Variants in FNDC1 observed in about 807,000 individuals in gnomAD.
FNDC1 encodes fibronectin type III domain containing 1.
A neutral mutation model predicts 168.0 loss-of-function variants in FNDC1; 96 were observed. That is an observed-to-expected ratio of 0.57 (90% confidence interval 0.48 to 0.68). The LOEUF (loss-of-function observed/expected upper bound fraction) is 0.68, where lower values mean the gene tolerates loss of function less well. FNDC1 is among the 30% of genes least tolerant of loss of function. FNDC1 has a pLI of 0.00. For missense variants in FNDC1, 2,587 were observed against 2,482.1 expected (o/e 1.04, Z -0.90); for synonymous variants, 1,099 against 1,025.9 (o/e 1.07, Z -1.36).
intron 22 of FNDC1, among the ~76,000 whole-genome samples, chr6:159,269,571 T>TCCATCCATCC (rs1562316200): frequency 2.3e-5 from 2 of 87,230 alleles, no homozygotes; most frequent in African/African-American, 3.8e-5. Flanking sequence ...TCCATCCATC[T>TCCATCCATCC]ATCCTATCTG....
Position 159,197,585 on chromosome 6 carries a change from G to C in FNDC1, c.264G>C (p.Lys88Asn), listed in dbSNP as rs1205457608. ...GKSLKSLKYI[K>N]VNAETYSFLI... ...CACTGAAAAGTCTTAAATACATCAAGGTGAATGCGGAGACATACTCCTTCC... is the reference window on the plus strand; with the variant it reads ...CACTGAAAAGTCTTAAATACATCAACGTGAATGCGGAGACATACTCCTTCC... The change falls in exon 2 of 23, where the codon AAG becomes AAC. Residue 88 changes from lysine (K) to asparagine (N), a missense_variant. Coordinates refer to ENST00000297267, the MANE Select transcript of FNDC1 (RefSeq NM_032532.3). 2 of 1,613,462 alleles carry C rather than the reference G, an allele frequency of 1.2e-6. No individual in the cohort carries two copies. Among genetic ancestry groups the C allele is most frequent in the Non-Finnish European group, 1.7e-6 (2 of 1,179,750 alleles).
chr6:159,269,238 T>TATC lies in FNDC1; in HGVS notation c.5569+1313_5569+1315dup, dbSNP rs1366294794. On this transcript the variant is annotated intron_variant, in intron 22 of 22. Coordinates refer to ENST00000297267, the MANE Select transcript of FNDC1 (RefSeq NM_032532.3). The stretch of plus-strand genomic sequence containing the variant: ...CTATCTATCTATCTATCTATCTATC[T>TATC]ATCTATCTATCCATCTATCATCTAT... Among the ~76,000 whole-genome samples the TATC allele has an allele frequency of 1.0e-2, 1,235 of 123,606 alleles. 34 individuals carry two copies. The highest frequency in any genetic ancestry group is 0.03 in the East Asian group (111 of 3,640). The allele number at this position is 123,606 out of a possible 152,430, so 81.1% of individuals were successfully genotyped here. A position where few individuals can be genotyped will look rare whatever the true frequency, so the allele number is the denominator to read the frequency against.
intron 1 of FNDC1, among the ~76,000 whole-genome samples, chr6:159,188,268 C>T (rs961151515): frequency 2.6e-5 from 4 of 152,124 alleles, no homozygotes; most frequent in Non-Finnish European, 1.5e-5. Context: ...CTTAGTCTGT[C>T]CTCACTGGCT....
At chr6:159,183,689 A>G (rs1232757993) in intron 1 of FNDC1, among the ~76,000 whole-genome samples, 1 of 152,342 alleles carries the variant, frequency 6.6e-6, no homozygotes, top group Non-Finnish European at 1.5e-5. Flanking sequence ...GGGGTGACCA[A>G]TGATGTGGAA....
chr6:159,267,728 G>T lies in FNDC1; in HGVS notation c.5447-76G>T, dbSNP rs986460430. On this transcript the variant is annotated intron_variant, in intron 21 of 22. Coordinates refer to ENST00000297267, the MANE Select transcript of FNDC1 (RefSeq NM_032532.3). ...ATGCTGAATTCAAACAGTCTCCAAAGCTTGTGCAAAAAAACTCCTAAACCA... is the reference window on the plus strand; with the variant it reads ...ATGCTGAATTCAAACAGTCTCCAAATCTTGTGCAAAAAAACTCCTAAACCA... The T allele has an allele frequency of 2.4e-5, 37 of 1,535,236 alleles. No individual in the cohort carries two copies. The African/African-American group carries it at 4.5e-4, about 19-fold the overall frequency.
chr6:159,219,459 G>C (rs1158126514), intron 5 of FNDC1, among the ~76,000 whole-genome samples: 1 of 152,132 alleles, frequency 6.6e-6, no homozygotes, highest in Admixed American at 6.5e-5. Context: ...GGCCTGGTCA[G>C]CTCTGCACCC....
At chr6:159,267,014 T>C (rs1450775246) in intron 21 of FNDC1, among the ~76,000 whole-genome samples, 1 of 152,190 alleles carries the variant, frequency 6.6e-6, no homozygotes, top group Non-Finnish European at 1.5e-5. Flanking sequence ...AACTCTAAAT[T>C]TTTCAGTGTA....
chr6:159,268,003 A>G, intron 22 of FNDC1, 77 bp downstream of exon 22: 4 of 1,486,068 alleles, frequency 2.7e-6, no homozygotes, highest in Non-Finnish European at 3.7e-6. Context: ...AATCCACAGT[A>G]GGTCTGCCTT....
intron 4 of FNDC1, among the ~76,000 whole-genome samples, chr6:159,208,157 C>T (rs182835160): frequency 3.1e-4 from 47 of 152,324 alleles, no homozygotes; most frequent in South Asian, 2.5e-3. Context: ...CCTGATCCTT[C>T]CACACTGTGT....
chr6:159,271,414 G>A lies in FNDC1; in HGVS notation c.5657G>A (p.Cys1886Tyr). ...TACTACTATGTGGGCTGGTACGAGTGTGGGGTCTCCATCCCTGGAAAGTGG... is the reference window on the plus strand; with the variant it reads ...TACTACTATGTGGGCTGGTACGAGTATGGGGTCTCCATCCCTGGAAAGTGG... ...TPYYYVGWYE[C>Y]GVSIPGKW Residue 1886 changes from cysteine (C) to tyrosine (Y), a missense_variant, in exon 23 of 23, where the codon TGT (cysteine) becomes TAT (tyrosine). Physicochemically the swap from Cys to Tyr is radical, Grantham distance 194. Transcript: ENST00000297267. 1.2e-6 allele frequency: 2 copies of A among 1,611,254 alleles called. No individual in the cohort carries two copies. The highest frequency in any genetic ancestry group is 8.5e-7 in the Non-Finnish European group (1 of 1,178,838).
chr6:159,208,235 C>G (rs1375263770), intron 4 of FNDC1, among the ~76,000 whole-genome samples: 1 of 152,166 alleles, frequency 6.6e-6, no homozygotes, highest in Non-Finnish European at 1.5e-5. Flanking sequence ...CCCCAAGCTG[C>G]TGTTGCAGAT....
intron 10 of FNDC1, 87 bp downstream of exon 10, chr6:159,230,090 T>G: frequency 1.6e-6 from 2 of 1,258,546 alleles, no homozygotes; most frequent in Non-Finnish European, 2.2e-6. Context: ...CTCTTGGGTT[T>G]GGAACTGCTC....
intron 5 of FNDC1, chr6:159,218,427 G>A (rs553525451): frequency 1.4e-4 from 21 of 152,406 alleles, no homozygotes; most frequent in African/African-American, 4.3e-4. Context: ...GTGAGGAGGA[G>A]GGCTCCTGGA....
chr6:159,265,959 CA>C (rs1554229510), intron 20 of FNDC1, 124 bp from the exon 21 acceptor site: 2 of 1,000,972 alleles, frequency 2.0e-6, no homozygotes, highest in Non-Finnish European at 2.9e-6. Context: ...CACAAACAAA[CA>C]AACAAACAAA....
At chr6:159,265,858 G>T (rs1184482193) in intron 20 of FNDC1, among the ~76,000 whole-genome samples, 1 of 152,154 alleles carries the variant, frequency 6.6e-6, no homozygotes, top group Non-Finnish European at 1.5e-5. Context: ...AACCCGGGAG[G>T]TGGAGGTTGC....
intron 9 of FNDC1, among the ~76,000 whole-genome samples, chr6:159,228,336 C>T (rs555563857): frequency 8.8e-4 from 134 of 152,184 alleles, no homozygotes; most frequent in African/African-American, 2.9e-3. Flanking sequence ...AAATATAAAA[C>T]GTAATAGAAG....
chr6:159,206,696 A>C (rs1782493531), intron 4 of FNDC1, among the ~76,000 whole-genome samples: 1 of 152,216 alleles, frequency 6.6e-6, no homozygotes, highest in Non-Finnish European at 1.5e-5. Context: ...TGGTGCTACC[A>C]TTAATCAGAG....
rs1322807131 is a variant in FNDC1, at chr6:159,232,678, C to T, written c.2166C>T (p.Pro722=). Residue 722 remains proline (P), a synonymous_variant, in exon 11 of 23, where the codon CCC becomes CCT. Transcript: ENST00000297267. The surrounding 1 kb of genome is among the most constrained non-coding windows in gnomAD (Gnocchi z 4.9). ...ASAPPSRLSP[P]HGGSSRLLPT... ...CCCCACCCTCAAGACTTTCTCCACC[C>T]CATGGGGGATCATCTCGGCTGCTGC... The T allele has an allele frequency of 1.9e-6, 3 of 1,613,886 alleles. No homozygotes were observed. Among genetic ancestry groups the T allele is most frequent in the African/African-American group, 1.3e-5 (1 of 75,060 alleles).
At chr6:159,267,139 A>G (rs1319764877) in intron 21 of FNDC1, among the ~76,000 whole-genome samples, 3 of 152,142 alleles carry the variant, frequency 2.0e-5, no homozygotes. Flanking sequence ...TTTAAAAACT[A>G]TCAAAACAAA....
Sources: gnomAD v4.1 joint callset for allele counts (sites outside exome capture counted in the v4.1 genomes callset) on GRCh38, gnomAD v4.1.1 for gene constraint, Gnocchi (gnomAD v3.1) non-coding constraint, MANE v1.5 for transcripts, NCBI Gene and HGNC (gene_info 2026-07-23, HGNC 2026-07-21) for gene names.